CRYBB1: variants seen among roughly 807,000 people sequenced by gnomAD.
CRYBB1 encodes crystallin beta B1.
In CRYBB1, 16 loss-of-function variants were observed where a neutral mutation model predicts 29.5. The ratio of observed to expected loss-of-function variants is 0.54; its 90% CI spans 0.37 to 0.82. CRYBB1 has a LOEUF of 0.82. Ranked by LOEUF, CRYBB1 falls within the 40% of genes least tolerant of loss-of-function variation. CRYBB1 has a pLI of 0.00. For synonymous variants in CRYBB1, 127 were observed against 136.7 expected (o/e 0.93, Z 0.49); for missense variants, 300 against 350.5 (o/e 0.86, Z 1.15).
intron 3 of CRYBB1, among the ~76,000 whole-genome samples, 193 bp from the exon 4 acceptor site, chr22:26,608,214 T>C (rs1215003139): frequency 6.6e-6 from 1 of 152,214 alleles, no homozygotes; most frequent in Non-Finnish European, 1.5e-5. Flanking sequence ...GGCAAGTGAC[T>C]TTACCTCTCT....
At chr22:26,600,691 A>G (rs1928794078) in intron 5 of CRYBB1, among the ~76,000 whole-genome samples, 1 of 152,258 alleles carries the variant, frequency 6.6e-6, no homozygotes, top group Non-Finnish European at 1.5e-5. Flanking sequence ...AGTTATCATC[A>G]GTGATTAATT....
At chr22:26,607,485 A>T (rs985173104) in intron 4 of CRYBB1, among the ~76,000 whole-genome samples, 1 of 147,538 alleles carries the variant, frequency 6.8e-6, no homozygotes, top group Non-Finnish European at 1.5e-5. Context: ...TGAGGCCAGG[A>T]GTTCAAGGCT....
At chr22:26,611,271 G>T (rs1029016081) in intron 3 of CRYBB1, among the ~76,000 whole-genome samples, 3 of 152,140 alleles carry the variant, frequency 2.0e-5, no homozygotes, top group African/African-American at 7.2e-5. Context: ...CATAAGAATA[G>T]CCTCTGCCTC....
chr22:26,599,311 G>T lies in CRYBB1; in HGVS notation c.*179C>A. ...AGTGTTTGCTGCTTTTATTATCGTT[G>T]TAATTATTAAGAGCGAGGAAGTCAC... On this transcript the variant is annotated 3_prime_UTR_variant, in exon 6 of 6. Coordinates refer to ENST00000647684, the MANE Select transcript of CRYBB1 (RefSeq NM_001887.4). 1 of 615,192 alleles carries T rather than the reference G, an allele frequency of 1.6e-6. No individual in the cohort carries two copies. The highest frequency in any genetic ancestry group is 2.9e-6 in the Non-Finnish European group (1 of 346,470). 38.1% of individuals were successfully genotyped at this position (615,192 alleles called of 1,614,324 possible). A position where few individuals can be genotyped will look rare whatever the true frequency, so the allele number is the denominator to read the frequency against.
intron 2 of CRYBB1, among the ~76,000 whole-genome samples, chr22:26,615,904 G>A (rs1602332607): frequency 6.6e-6 from 1 of 152,318 alleles, no homozygotes; most frequent in East Asian, 1.9e-4. Flanking sequence ...GAGGAGGGAG[G>A]AGGAGGCCAA....
intron 2 of CRYBB1, 63 bp downstream of exon 2, chr22:26,616,059 AGAGGAGGAGGAGAAGAAG>A: frequency 9.2e-7 from 1 of 1,091,350 alleles, no homozygotes; most frequent in African/African-American, 1.5e-5. Context: ...TGAAAGAGGA[AGAGGAGGAGGAGAAGAAG>A]GAGGAGGAGG....
intron 5 of CRYBB1, among the ~76,000 whole-genome samples, chr22:26,601,220 G>T (rs7287905): frequency 0.17 from 25,286 of 152,118 alleles, 2,345 homozygotes; most frequent in East Asian, 0.31. Context: ...GTCTGGCATG[G>T]TCATTTGGAG....
chr22:26,602,073 G>C (rs757881715), intron 4 of CRYBB1, 52 bp from the exon 5 acceptor site: 1 of 1,607,860 alleles, frequency 6.2e-7, no homozygotes, highest in East Asian at 2.2e-5. Context: ...GGGACAAAGA[G>C]AAGAAACTTA....
intron 3 of CRYBB1, among the ~76,000 whole-genome samples, chr22:26,608,886 C>A (rs958116392): frequency 2.0e-5 from 3 of 151,980 alleles, no homozygotes; most frequent in African/African-American, 7.2e-5. Flanking sequence ...TATGAAGATG[C>A]TAGGTTCCTT....
intron 3 of CRYBB1, among the ~76,000 whole-genome samples, chr22:26,610,678 C>G (rs886838712): frequency 6.6e-6 from 1 of 152,122 alleles, no homozygotes; most frequent in Non-Finnish European, 1.5e-5. Flanking sequence ...GAGGTGGGTA[C>G]GTGACCATCA....
At chr22:26,616,495 C>T (rs1602333190) in intron 1 of CRYBB1, among the ~76,000 whole-genome samples, 157 bp from the exon 2 acceptor site, 1 of 152,320 alleles carries the variant, frequency 6.6e-6, no homozygotes, top group East Asian at 1.9e-4. Context: ...TCCCTACTTC[C>T]CAGCCAAGAC....
intron 2 of CRYBB1, among the ~76,000 whole-genome samples, chr22:26,615,678 T>C (rs530345426): frequency 9.2e-5 from 14 of 152,252 alleles, no homozygotes; most frequent in African/African-American, 3.1e-4. Flanking sequence ...TACGCCTGGC[T>C]AATTTTTGTA....
chr22:26,611,498 C>T lies in CRYBB1; in HGVS notation c.299+574G>A, dbSNP rs372306088. Among the ~76,000 whole-genome samples, 10 of 146,922 alleles carry T rather than the reference C, an allele frequency of 6.8e-5. 1 individual carries two copies. Among genetic ancestry groups the T allele is most frequent in the East Asian group, 5.9e-4 (3 of 5,046 alleles). ...TTTTTTTTTTTTTGAGACGGAGTCT[C>T]GCTCTGTCGCCCAGGCCGGACTGCA... On this transcript the variant is annotated intron_variant, in intron 3 of 5. Coordinates refer to ENST00000647684, the MANE Select transcript of CRYBB1 (RefSeq NM_001887.4).
intron 4 of CRYBB1, among the ~76,000 whole-genome samples, chr22:26,602,516 A>G (rs1329013457): frequency 6.6e-6 from 1 of 151,862 alleles, no homozygotes; most frequent in Non-Finnish European, 1.5e-5. Context: ...GCTTGAGCCC[A>G]GGAAGTTGAG....
intron 2 of CRYBB1, among the ~76,000 whole-genome samples, chr22:26,615,648 G>T (rs571434021): frequency 6.6e-6 from 1 of 151,938 alleles, no homozygotes; most frequent in South Asian, 2.1e-4. Flanking sequence ...CAAGTAGCTG[G>T]GATTACAGGC....
In CRYBB1 at chr22:26,610,500, C is replaced by CA. The variant is rs200805047; in HGVS notation, c.299+1571dup. 4.9e-3 allele frequency among the ~76,000 whole-genome samples: 748 copies of CA among 152,112 alleles called. 3 individuals carry two copies. The highest frequency in any genetic ancestry group is 0.017 in the African/African-American group (721 of 41,490). On this transcript the variant is annotated intron_variant, in intron 3 of 5. Coordinates refer to ENST00000647684, the MANE Select transcript of CRYBB1 (RefSeq NM_001887.4). ...TACTCTGGGTTTGAGTCACTGGTAC[C>CA]AAAAAAAGCCTGAAAACCCATGCTG...
chr22:26,601,705 A>G (rs993458080), intron 5 of CRYBB1, among the ~76,000 whole-genome samples, 174 bp downstream of exon 5: 1 of 150,134 alleles, frequency 6.7e-6, no homozygotes, highest in East Asian at 2.0e-4. Flanking sequence ...GTGTGACTCT[A>G]TTCCCCAGAG....
chr22:26,607,317 C>T (rs1438921655), intron 4 of CRYBB1, among the ~76,000 whole-genome samples: 5 of 152,100 alleles, frequency 3.3e-5, no homozygotes, highest in Admixed American at 6.6e-5. Flanking sequence ...CCACCATGCC[C>T]GGCTACAATA....
chr22:26,612,090 AT>A lies in CRYBB1; in HGVS notation c.280del (p.Ile94SerfsTer71), dbSNP rs1418768272. 2 of 1,613,144 alleles carry A rather than the reference AT, an allele frequency of 1.2e-6. No homozygotes were observed. The highest frequency in any genetic ancestry group is 8.5e-7 in the Non-Finnish European group (1 of 1,179,404). ...ADRGFDRVRSIIVSAGPWVAF... is the reference protein window; with the variant it reads ...ADRGFDRVRSXIVSAGPWVAF... ...TACTCACGGTCCCGCGGAGACAATG[AT>A]GCTGCGCACACGGTCGAAGCCACGG... On this transcript the variant is annotated frameshift_variant, in exon 3 of 6. Transcript: ENST00000647684. LOFTEE classifies it high-confidence loss of function.
Sources: allele counts gnomAD v4.1 joint callset (sites outside exome capture counted in the v4.1 genomes callset), GRCh38; gene constraint gnomAD v4.1.1; transcripts MANE v1.5; gene names NCBI Gene and HGNC (gene_info 2026-07-23, HGNC 2026-07-21).